The following ATRNL1 variants were observed in gnomAD, a reference collection of about 807,000 sequenced individuals.
ATRNL1 encodes the protein attractin like 1.
ATRNL1 carries 95 observed loss-of-function variants against 182.7 expected under a neutral mutation model. The ratio of observed to expected loss-of-function variants is 0.52; its 90% confidence interval spans 0.44 to 0.62. The LOEUF is 0.62. Among genes scored for constraint, ATRNL1 ranks in the 20% least tolerant of loss-of-function variants. The pLI, the probability that ATRNL1 is intolerant of heterozygous loss-of-function variation, is 0.00. For missense variants in ATRNL1, 1,471 were observed against 1,679.5 expected (o/e 0.88, Z 2.17); for synonymous variants, 576 against 568.3 (o/e 1.01, Z -0.19).
intron 26 of ATRNL1, among the ~76,000 whole-genome samples, chr10:115,627,105 A>G (rs1858157753): frequency 6.6e-6 from 1 of 152,176 alleles, no homozygotes; most frequent in African/African-American, 2.4e-5. Context: ...GTGTATTCAC[A>G]AAGATGGGCA....
At chr10:115,570,794 A>G (rs1189667627) in intron 26 of ATRNL1, among the ~76,000 whole-genome samples, 1 of 151,304 alleles carries the variant, frequency 6.6e-6, no homozygotes, top group East Asian at 1.9e-4. Flanking sequence ...GAATCTAGCT[A>G]TCATGTATAA....
chr10:115,532,259 G>A (rs1365189404), intron 25 of ATRNL1, among the ~76,000 whole-genome samples: 1 of 152,188 alleles, frequency 6.6e-6, no homozygotes, highest in African/African-American at 2.4e-5. Context: ...TCCTACCCAT[G>A]AGCATGGAAT....
At chr10:115,105,630 A>G (rs571915542) in intron 1 of ATRNL1, among the ~76,000 whole-genome samples, 2 of 152,320 alleles carry the variant, frequency 1.3e-5, no homozygotes, top group African/African-American at 4.8e-5. Context: ...TGCTGTATGC[A>G]GCCTAGGGAC....
At chr10:115,101,566 A>G (rs1295915554) in intron 1 of ATRNL1, among the ~76,000 whole-genome samples, 1 of 152,156 alleles carries the variant, frequency 6.6e-6, no homozygotes, top group Non-Finnish European at 1.5e-5. Flanking sequence ...CTGACACAAT[A>G]TGCTTTCCTT....
At chr10:115,624,087 C>G (rs1395893597) in intron 26 of ATRNL1, among the ~76,000 whole-genome samples, 9 of 151,888 alleles carry the variant, frequency 5.9e-5, no homozygotes, top group African/African-American at 1.7e-4. Flanking sequence ...ATATCTATTG[C>G]TGAATTTATG....
rs1314409496 is a variant in ATRNL1, at chr10:115,626,956, A to G, written c.3795+77420A>G. 2.0e-5 allele frequency among the ~76,000 whole-genome samples: 3 copies of G among 152,186 alleles called. No homozygotes were observed. The East Asian group carries it at 5.8e-4, about 29-fold the overall frequency. On this transcript the variant is annotated intron_variant, in intron 26 of 28. Transcript: ENST00000355044. ...TATTTAACATGGTTTTTGCCTCCAT[A>G]TAACCTCCATATTTTATGATTTGAT...
chr10:115,666,855 T>C (rs1179957600), intron 26 of ATRNL1, among the ~76,000 whole-genome samples: 2 of 152,110 alleles, frequency 1.3e-5, no homozygotes, highest in African/African-American at 4.8e-5. Context: ...TGTAGAACTT[T>C]TAATTATTTG....
intron 26 of ATRNL1, among the ~76,000 whole-genome samples, chr10:115,678,581 A>G (rs541050375): frequency 3.9e-5 from 6 of 152,250 alleles, no homozygotes; most frequent in African/African-American, 1.4e-4. Flanking sequence ...TCATTTGAAT[A>G]TCTATAATCA....
At chr10:115,798,933 T>A (rs1448159282) in intron 27 of ATRNL1, among the ~76,000 whole-genome samples, 1 of 151,524 alleles carries the variant, frequency 6.6e-6, no homozygotes, top group Non-Finnish European at 1.5e-5. Flanking sequence ...CTCAAGTGAT[T>A]CTCCTGCCTC....
At chr10:115,270,436 A>C (rs1017094901) in intron 13 of ATRNL1, among the ~76,000 whole-genome samples, 5 of 145,576 alleles carry the variant, frequency 3.4e-5, no homozygotes, top group Non-Finnish European at 6.0e-5. Flanking sequence ...TTTATATATA[A>C]TCTATAATAT....
chr10:115,594,326 A>C (rs1477963564), intron 26 of ATRNL1, among the ~76,000 whole-genome samples: 3 of 152,126 alleles, frequency 2.0e-5, no homozygotes, highest in Non-Finnish European at 4.4e-5. Context: ...TTTAAGCCAA[A>C]ATTTAGCAGA....
intron 5 of ATRNL1, among the ~76,000 whole-genome samples, chr10:115,135,129 A>G (rs1303509653): frequency 2.0e-5 from 3 of 152,092 alleles, no homozygotes; most frequent in Non-Finnish European, 2.9e-5. Flanking sequence ...CGGGCACAAG[A>G]CAGGGATGTC....
intron 20 of ATRNL1, among the ~76,000 whole-genome samples, chr10:115,420,017 G>A (rs1465622907): frequency 6.6e-6 from 1 of 151,356 alleles, no homozygotes; most frequent in Non-Finnish European, 1.5e-5. Flanking sequence ...TTATATGTAA[G>A]GGCACAAAAC....
chr10:115,862,639 T>C (rs1464154126), intron 28 of ATRNL1, among the ~76,000 whole-genome samples: 1 of 152,196 alleles, frequency 6.6e-6, no homozygotes. Flanking sequence ...GGAGGGGAAT[T>C]TGACAAGACC....
intron 20 of ATRNL1, among the ~76,000 whole-genome samples, chr10:115,410,778 T>G (rs987367581): frequency 6.6e-6 from 1 of 152,022 alleles, no homozygotes; most frequent in African/African-American, 2.4e-5. Flanking sequence ...CAACTTGTCA[T>G]CCAGGCTGGG....
intron 26 of ATRNL1, among the ~76,000 whole-genome samples, chr10:115,617,541 G>A (rs1434523558): frequency 6.6e-6 from 1 of 151,696 alleles, no homozygotes; most frequent in Non-Finnish European, 1.5e-5. Context: ...TGTATTTTTT[G>A]TAGAGACGGG....
At chr10:115,937,901 A>G (rs782345159) in intron 28 of ATRNL1, among the ~76,000 whole-genome samples, 4 of 152,206 alleles carry the variant, frequency 2.6e-5, no homozygotes, top group Admixed American at 6.5e-5. Context: ...CCTGAAGCAG[A>G]CTGTGCAATT....
At chr10:115,509,495 G>C (rs12354843) in intron 24 of ATRNL1, among the ~76,000 whole-genome samples, 2 of 151,656 alleles carry the variant, frequency 1.3e-5, no homozygotes, top group African/African-American at 4.8e-5. Flanking sequence ...GTTCTTGAGA[G>C]ATCTGGTTGT....
At chr10:115,936,717 A>G (rs1555122948) in intron 28 of ATRNL1, among the ~76,000 whole-genome samples, 1 of 152,208 alleles carries the variant, frequency 6.6e-6, no homozygotes, top group East Asian at 1.9e-4. Flanking sequence ...TTACAATACT[A>G]CCATTGTTCC....
Sources: gnomAD v4.1 joint callset for allele counts (sites outside exome capture counted in the v4.1 genomes callset) on GRCh38, gnomAD v4.1.1 for gene constraint, MANE v1.5 for transcripts, NCBI Gene and HGNC (gene_info 2026-07-23, HGNC 2026-07-21) for gene names.